The following EHMT1 variants were observed in gnomAD, a reference collection of about 807,000 sequenced individuals.
EHMT1 encodes the protein euchromatic histone lysine methyltransferase 1.
Under a neutral mutation model 147.2 loss-of-function variants are expected in EHMT1, and 15 were observed. That is an observed-to-expected ratio of 0.10 (90% CI 0.07 to 0.16). The LOEUF (loss-of-function observed/expected upper bound fraction) is 0.16. Ranked by LOEUF, EHMT1 falls within the 10% of genes least tolerant of loss-of-function variation. The pLI is 1.00. For missense variants in EHMT1, 1,587 were observed against 1,772.4 expected, an observed-to-expected ratio of 0.90 and a Z score of 1.88; for synonymous variants, 795 against 709.6, an observed-to-expected ratio of 1.12 and a Z score of -1.91.
Position 137,812,997 on chromosome 9 carries a change from C to T in EHMT1, c.2868-9C>T, listed in dbSNP as rs1050868502. On this transcript the variant is annotated splice_polypyrimidine_tract_variant and intron_variant, in intron 19 of 26. Coordinates refer to ENST00000460843, the MANE Select transcript of EHMT1 (RefSeq NM_024757.5). The stretch of plus-strand genomic sequence containing the variant: ...TAAATGTTTTGTGGCCTTACATTTT[C>T]CCTTTTAGCCTCTTTCTTTCTCGGG... 1.2e-6 allele frequency: 2 copies of T among 1,613,842 alleles called. No individual in the cohort carries two copies. Among genetic ancestry groups the T allele is most frequent in the Middle Eastern group, 1.6e-4 (1 of 6,084 alleles).
At chr9:137,766,014 A>G (rs1480022459) in intron 10 of EHMT1, among the ~76,000 whole-genome samples, 1 of 152,128 alleles carries the variant, frequency 6.6e-6, no homozygotes, top group African/African-American at 2.4e-5. Context: ...TGTCTGTAAA[A>G]TGGGAGGTCG....
intron 4 of EHMT1, chr9:137,742,820 T>TG (rs1440499386): frequency 6.2e-5 from 11 of 177,482 alleles, no homozygotes; most frequent in Non-Finnish European, 1.1e-4. Flanking sequence ...AGGAGGATGG[T>TG]GTCTGGGTGT....
chr9:137,722,401 T>C lies in EHMT1; in HGVS notation c.642+5219T>C, dbSNP rs562211679. On this transcript the variant is annotated intron_variant, in intron 3 of 26. Transcript: ENST00000460843. ...TGAACATTCACAGGCTGGTCTGTTG[T>C]AGGAAAAGAGAACTTGAGTGTTTTG... Among the ~76,000 whole-genome samples, 15 of 152,352 alleles carry C rather than the reference T, an allele frequency of 9.8e-5. No individual in the cohort carries two copies. In the South Asian group the frequency reaches 1.7e-3, roughly 17 times the overall value.
chr9:137,646,550 C>T, intron 1 of EHMT1: 4 of 692,262 alleles, frequency 5.8e-6, no homozygotes, highest in South Asian at 6.5e-5. Flanking sequence ...CTGGGGGAGG[C>T]CCCCGAGCGT....
Position 137,778,023 on chromosome 9 carries a change from G to A in EHMT1, c.2160G>A (p.Leu720=), listed in dbSNP as rs533103106. The A allele has an allele frequency of 3.7e-6, 6 of 1,613,822 alleles. No individual in the cohort carries two copies. In the South Asian group the frequency reaches 4.4e-5, roughly 12 times the overall value. Residue 720 remains leucine (L), a synonymous_variant, in exon 13 of 27, where the codon TTG becomes TTA. Transcript: ENST00000460843. ...CCCAGGGACCAGGGAAGGAAACCTT[G>A]GAGAGCGCTCTCATCGCCCTCGACT... The part of the protein sequence containing the change: ...GLSQGPGKET[L]ESALIALDSE...
chr9:137,781,398 G>GGATGTGTGGTGATGATGCTGA (rs1564749676), intron 14 of EHMT1, among the ~76,000 whole-genome samples: 6 of 142,324 alleles, frequency 4.2e-5, no homozygotes, highest in Non-Finnish European at 9.1e-5. Context: ...GATGACGCTG[G>GGATGTGTGGTGATGATGCTGA]GATGTGTGGT....
At chr9:137,791,021 C>G (rs1185242357) in intron 16 of EHMT1, 51 bp downstream of exon 16, 2 of 1,613,998 alleles carry the variant, frequency 1.2e-6, no homozygotes, top group South Asian at 1.1e-5. Flanking sequence ...AGACGTTTCT[C>G]AGAAAGCTGA....
chr9:137,814,278 C>A, intron 21 of EHMT1, 153 bp from the exon 22 acceptor site: 1 of 796,410 alleles, frequency 1.3e-6, no homozygotes, highest in Non-Finnish European at 2.1e-6. Context: ...GCCTGCACAG[C>A]CTTCTCCCTA....
Position 137,635,578 on chromosome 9 carries a change from T to C in EHMT1, c.21+16529T>C, listed in dbSNP as rs533786577. ...GCTCACGCCTGTAATCCCAGCACTT[T>C]GGGAGGCCGAGGTGGGTGGATCACG... On this transcript the variant is annotated intron_variant, in intron 1 of 26. Coordinates refer to ENST00000460843, the MANE Select transcript of EHMT1 (RefSeq NM_024757.5). Among the ~76,000 whole-genome samples, 87 of 149,306 alleles carry C rather than the reference T, an allele frequency of 5.8e-4. 1 individual carries two copies. In the South Asian group the frequency reaches 0.019, roughly 32 times the overall value.
chr9:137,672,370 G>A (rs1206427256), intron 1 of EHMT1, among the ~76,000 whole-genome samples: 1 of 152,036 alleles, frequency 6.6e-6, no homozygotes, highest in African/African-American at 2.4e-5. Flanking sequence ...TAGGTTTATT[G>A]TTATTTGTAC....
Position 137,811,540 on chromosome 9 carries a change from A to C in EHMT1, c.2792A>C (p.Asp931Ala). The C allele has an allele frequency of 6.2e-7, 1 of 1,609,880 alleles. No homozygotes were observed. The highest frequency in any genetic ancestry group is 8.5e-7 in the Non-Finnish European group (1 of 1,179,982). ...GAGATCCTGCTGGCTGCCAAGTGCG[A>C]CCTCCACGCCGTGAACATCCACGGA... is the stretch of plus-strand genomic sequence containing the variant. ...IAEILLAAKC[D>A]LHAVNIHGDS... Residue 931 changes from aspartate to alanine, a missense_variant, in exon 19 of 27, where the codon GAC (aspartate) becomes GCC (alanine). By Grantham distance (126) the Asp-to-Ala change is moderately radical (BLOSUM62 -2). This residue lies in a region of EHMT1 where 201 missense variants were observed against 350.1 expected (regional missense o/e 0.57). Transcript: ENST00000460843.
intron 3 of EHMT1, among the ~76,000 whole-genome samples, chr9:137,719,480 C>A (rs1296249256): frequency 6.6e-6 from 1 of 152,200 alleles, no homozygotes; most frequent in Admixed American, 6.5e-5. Context: ...GTGGTGCGGA[C>A]AACTGCCCTA....
At chr9:137,712,873 T>C (rs564332558) in intron 2 of EHMT1, among the ~76,000 whole-genome samples, 50 of 152,290 alleles carry the variant, frequency 3.3e-4, no homozygotes, top group African/African-American at 1.2e-3. Context: ...GTCACAAACA[T>C]TTACATTTAT....
chr9:137,723,901 C>A (rs1478733020), intron 3 of EHMT1, among the ~76,000 whole-genome samples: 1 of 152,232 alleles, frequency 6.6e-6, no homozygotes, highest in East Asian at 1.9e-4. Context: ...CAGCGTTAAT[C>A]CCCATCATAA....
chr9:137,736,088 G>A (rs1283485028), intron 4 of EHMT1, among the ~76,000 whole-genome samples: 1 of 152,186 alleles, frequency 6.6e-6, no homozygotes, highest in Non-Finnish European at 1.5e-5. Context: ...GACAGAAATA[G>A]ATTGAAAGTG....
At position 137,782,465 on chromosome 9, in the gene EHMT1, A is replaced by T. The variant is rs1216076579; in HGVS notation, c.2382+68A>T. ...CTTTTATTTTTACCAAAGTAAAATCATACCACGTTCGCGGTTCTTCCAGTG... is the reference window on the plus strand; with the variant it reads ...CTTTTATTTTTACCAAAGTAAAATCTTACCACGTTCGCGGTTCTTCCAGTG... On this transcript the variant is annotated intron_variant, in intron 15 of 26. Coordinates refer to ENST00000460843, the MANE Select transcript of EHMT1 (RefSeq NM_024757.5). This position sits in a 1 kb window ranked among gnomAD's most constrained non-coding sequence, Gnocchi z 5.7. 4 of 1,422,880 alleles carry T rather than the reference A, an allele frequency of 2.8e-6. No individual in the cohort carries two copies. Among genetic ancestry groups the T allele is most frequent in the Non-Finnish European group, 3.8e-6 (4 of 1,043,600 alleles). 88.1% of individuals were successfully genotyped at this position (1,422,880 alleles called of 1,614,324 possible).
chr9:137,749,256 C>CT (rs545411883), intron 6 of EHMT1, among the ~76,000 whole-genome samples: 161 of 152,256 alleles, frequency 1.1e-3, no homozygotes, highest in Middle Eastern at 6.8e-3. Flanking sequence ...GCATCAGACT[C>CT]TAAGTTCCCT....
intron 3 of EHMT1, among the ~76,000 whole-genome samples, chr9:137,718,330 TCA>T (rs1330488913): frequency 6.6e-6 from 1 of 152,284 alleles, no homozygotes; most frequent in Non-Finnish European, 1.5e-5. Flanking sequence ...GTGTGCTCTC[TCA>T]GTTTGATGTG....
At chr9:137,798,440 G>A (rs1245043921) in intron 16 of EHMT1, among the ~76,000 whole-genome samples, 14 of 152,170 alleles carry the variant, frequency 9.2e-5, no homozygotes, top group Non-Finnish European at 1.0e-4. Context: ...GATGTGCCCA[G>A]CAGCAAAGGA....
Sources: allele counts gnomAD v4.1 joint callset (sites outside exome capture counted in the v4.1 genomes callset), GRCh38; gene constraint gnomAD v4.1.1; regional missense constraint gnomAD v4.1.1; non-coding constraint Gnocchi (gnomAD v3.1); transcripts MANE v1.5; gene names NCBI Gene and HGNC (gene_info 2026-07-23, HGNC 2026-07-21).